The following VPS13C variants were observed in gnomAD, a reference collection of about 807,000 sequenced individuals.
The protein encoded by VPS13C is vacuolar protein sorting 13 homolog C.
A neutral mutation model predicts 456.8 loss-of-function variants in VPS13C; 358 were observed. That is an observed-to-expected ratio of 0.78 (90% CI 0.72 to 0.86). VPS13C has a LOEUF of 0.86. VPS13C is among the 40% of genes least tolerant of loss of function. The pLI is 0.00. For missense variants in VPS13C, 4,818 were observed against 4,385.4 expected, an observed-to-expected ratio of 1.10 and a Z score of -2.79; for synonymous variants, 1,578 against 1,486.7, an observed-to-expected ratio of 1.06 and a Z score of -1.41.
chr15:61,913,621 G>C (rs985580733), intron 61 of VPS13C, among the ~76,000 whole-genome samples: 5 of 150,250 alleles, frequency 3.3e-5, no homozygotes, highest in African/African-American at 1.2e-4. Context: ...AAGTTTGAAT[G>C]AGAAAGTTCT....
rs144234782 is a variant in VPS13C at position 61,868,723 on chromosome 15, A to G, written c.10799T>C (p.Ile3600Thr). 5.6e-6 allele frequency: 9 copies of G among 1,614,120 alleles called. No individual in the cohort carries two copies. Among genetic ancestry groups the G allele is most frequent in the Non-Finnish European group, 6.8e-6 (8 of 1,180,008 alleles). ...EVSSLRPPRL[I>T]HEDGIIRPYD... ...AGGACGAATGATGCCATCTTCATGG[A>G]TCAGGCGAGGGGGACGGAGGCTAGA... The change falls in exon 81 of 85, where the codon ATC (isoleucine) becomes ACC (threonine). Residue 3600 changes from isoleucine (I) to threonine (T), a missense_variant. Physicochemically the swap from Ile to Thr is moderately conservative, Grantham distance 89. Around this residue, in one of 3 missense-constraint regions of VPS13C, gnomAD observed 261 missense variants for 234.1 expected, o/e 1.11. Coordinates refer to ENST00000644861, the MANE Select transcript of VPS13C (RefSeq NM_020821.3).
In VPS13C at chr15:61,910,305, A is replaced by C; in HGVS notation, c.8716T>G (p.Cys2906Gly). 6.6e-7 allele frequency: 1 copy of C among 1,516,734 alleles called. No homozygotes were observed. Among genetic ancestry groups the C allele is most frequent in the Non-Finnish European group, 8.9e-7 (1 of 1,126,480 alleles). The allele number at this position is 1,516,734 out of a possible 1,614,324, so 94.0% of individuals were successfully genotyped here. ...AAACTTTCTGGCCAAAATGGAAGGC[A>C]CTAAAAATATAGAAGTTATTATCAG... ...NKWNYIASSE[C>G]LPFWPESLSG... The change falls in exon 64 of 85, where the codon TGC becomes GGC. Residue 2906 changes from cysteine to glycine, a missense_variant and splice_region_variant. This residue lies in a region of VPS13C where 4,552 missense variants were observed against 4,130.6 expected (regional missense o/e 1.10). Transcript: ENST00000644861.
chr15:61,991,643 G>A, intron 17 of VPS13C, 30 bp downstream of exon 17: 1 of 1,605,020 alleles, frequency 6.2e-7, no homozygotes, highest in South Asian at 1.1e-5. Context: ...ACTTAACACT[G>A]TACAATAAGT....
Position 61,854,911 on chromosome 15 carries a change from C to G in VPS13C, c.11120G>C (p.Cys3707Ser). The G allele has an allele frequency of 1.9e-6, 3 of 1,613,536 alleles. No homozygotes were observed. Among genetic ancestry groups the G allele is most frequent in the Non-Finnish European group, 2.5e-6 (3 of 1,179,786 alleles). The change falls in exon 84 of 85, where the codon TGT becomes TCT. Residue 3707 changes from cysteine to serine, a missense_variant. Coordinates refer to ENST00000644861, the MANE Select transcript of VPS13C (RefSeq NM_020821.3). ...FHKKDSANQG[C>S]VRKVYLKDTA... ...GTCCTTCAGGTAAACTTTTCGAACA[C>G]AGCCTTGATTGGCACTGTCTTTTTT...
In VPS13C at chr15:61,853,470, C is replaced by CATT. The variant is rs1321056199; in HGVS notation, c.*984_*986dup. 6.6e-6 allele frequency: 1 copy of CATT among 152,090 alleles called. No homozygotes were observed. The highest frequency in any genetic ancestry group is 1.5e-5 in the Non-Finnish European group (1 of 68,034). 9.4% of individuals were successfully genotyped at this position (152,090 alleles called of 1,614,324 possible). ...TACTTCCAAATTTTTATGAATGCTA[C>CATT]ATTACAGAGGGCAGAGTGTAGCTAT... On this transcript the variant is annotated 3_prime_UTR_variant, in exon 85 of 85. Transcript: ENST00000644861.
At chr15:61,961,439 ACAC>A (rs1448569023) in intron 35 of VPS13C, 147 bp downstream of exon 35, 33 of 644,382 alleles carry the variant, frequency 5.1e-5, no homozygotes, top group East Asian at 1.5e-4. Context: ...ACACACACAC[ACAC>A]AAAACAATGA....
intron 15 of VPS13C, among the ~76,000 whole-genome samples, chr15:62,005,979 T>C (rs139237047): frequency 0.011 from 1,668 of 151,988 alleles, 40 homozygotes; most frequent in African/African-American, 0.039. Flanking sequence ...GCTGGGATTA[T>C]AGGTGTGAGC....
chr15:62,003,594 T>A (rs2046717422), intron 15 of VPS13C, among the ~76,000 whole-genome samples: 3 of 152,090 alleles, frequency 2.0e-5, no homozygotes, highest in Non-Finnish European at 4.4e-5. Context: ...CCCTGTCTTG[T>A]GCCAGTTTTC....
At chr15:62,041,456 C>A in intron 2 of VPS13C, 90 bp from the exon 3 acceptor site, 1 of 1,299,866 alleles carries the variant, frequency 7.7e-7, no homozygotes, top group South Asian at 1.3e-5. Flanking sequence ...ATACACATGT[C>A]CAAAGAAAAA....
rs528635316 is a variant in VPS13C, at chr15:61,949,090, C to CG, written c.4759+352dup. ...GGTAAGTCTACCTGACTAACTGAAA[C>CG]GGGCCTTTGTGACCTTGTATGACTG... On this transcript the variant is annotated intron_variant, in intron 42 of 84. Coordinates refer to ENST00000644861, the MANE Select transcript of VPS13C (RefSeq NM_020821.3). Among the ~76,000 whole-genome samples the CG allele has an allele frequency of 1.0e-3, 153 of 152,226 alleles. 1 individual carries two copies. Among genetic ancestry groups the CG allele is most frequent in the Non-Finnish European group, 2.0e-3 (136 of 68,020 alleles).
chr15:61,947,066 A>G, intron 43 of VPS13C, 127 bp downstream of exon 43: 1 of 602,948 alleles, frequency 1.7e-6, no homozygotes, highest in South Asian at 2.7e-5. Flanking sequence ...ACATCTTTGA[A>G]AAGTTTGCAA....
intron 1 of VPS13C, among the ~76,000 whole-genome samples, chr15:62,055,289 G>A (rs1451326426): frequency 1.3e-5 from 2 of 151,776 alleles, no homozygotes; most frequent in African/African-American, 4.8e-5. Flanking sequence ...GTGCAGCGGT[G>A]CAATCTCTGC....
Position 61,950,389 on chromosome 15 carries a change from G to C in VPS13C, c.4565C>G (p.Thr1522Ser), listed in dbSNP as rs115248132. 151 of 1,612,218 alleles carry C rather than the reference G, an allele frequency of 9.4e-5. No individual in the cohort carries two copies. In the East Asian group the frequency reaches 1.7e-3, roughly 19 times the overall value. The change falls in exon 41 of 85, where the codon ACT becomes AGT. Residue 1522 changes from threonine (T) to serine (S), a missense_variant. Physicochemically the swap from Thr to Ser is moderately conservative, Grantham distance 58. Coordinates refer to ENST00000644861, the MANE Select transcript of VPS13C (RefSeq NM_020821.3). ...KADSDGPEFKTIHDSTKQRLK... is the reference protein window; with the variant it reads ...KADSDGPEFKSIHDSTKQRLK... Reference sequence around the variant, plus strand: ...TCTCTGTTTGGTACTGTCATGAATAGTTTTAAATTCTGGTCCATCACTGTC... The same window carrying C: ...TCTCTGTTTGGTACTGTCATGAATACTTTTAAATTCTGGTCCATCACTGTC...
In VPS13C at chr15:61,868,700, G is replaced by A; in HGVS notation, c.10822C>T (p.Pro3608Ser). ...CCCTCAGATTCCTGTCTGTCATAAG[G>A]ACGAATGATGCCATCTTCATGGATC... Reference protein sequence around the residue: ...RLIHEDGIIRPYDRQESEGSD... With the variant: ...RLIHEDGIIRSYDRQESEGSD... The change falls in exon 81 of 85, where the codon CCT (proline) becomes TCT (serine). Residue 3608 changes from proline (P) to serine (S), a missense_variant. Transcript: ENST00000644861. 6.2e-7 allele frequency: 1 copy of A among 1,614,084 alleles called. No individual in the cohort carries two copies. Among genetic ancestry groups the A allele is most frequent in the Non-Finnish European group, 8.5e-7 (1 of 1,180,008 alleles).
At chr15:61,947,408 C>G in intron 42 of VPS13C, 99 bp from the exon 43 acceptor site, 1 of 796,464 alleles carries the variant, frequency 1.3e-6, no homozygotes, top group Non-Finnish European at 2.0e-6. Flanking sequence ...CCAATGTACT[C>G]TGAGGAACCA....
chr15:61,947,335 T>A (rs1451708626), intron 42 of VPS13C, 26 bp from the exon 43 acceptor site: 2 of 1,517,386 alleles, frequency 1.3e-6, no homozygotes, highest in African/African-American at 2.8e-5. Flanking sequence ...AACCTTCTGA[T>A]GAGCAAAGGG....
chr15:61,897,761 G>C (rs888657997), intron 66 of VPS13C, among the ~76,000 whole-genome samples: 8 of 152,170 alleles, frequency 5.3e-5, no homozygotes, highest in Middle Eastern at 3.4e-3. Flanking sequence ...ACACCACAAA[G>C]ATACTCCTCG....
chr15:61,927,036 A>G, intron 52 of VPS13C, 55 bp downstream of exon 52: 1 of 1,479,046 alleles, frequency 6.8e-7, no homozygotes, highest in Non-Finnish European at 9.4e-7. Flanking sequence ...GATTCTATGA[A>G]TCAACTGTTT....
intron 9 of VPS13C, 33 bp downstream of exon 9, chr15:62,020,446 T>C (rs2047421375): frequency 6.3e-7 from 1 of 1,583,950 alleles, no homozygotes; most frequent in African/African-American, 1.4e-5. Context: ...ACTTTACAGG[T>C]TCCATAGAAG....
Sources: gnomAD v4.1 joint callset for allele counts (sites outside exome capture counted in the v4.1 genomes callset) on GRCh38, gnomAD v4.1.1 for gene constraint, gnomAD v4.1.1 regional missense constraint, MANE v1.5 for transcripts, NCBI Gene and HGNC (gene_info 2026-07-23, HGNC 2026-07-21) for gene names.